Variants in DCAF6 observed in about 807,000 individuals in gnomAD.
The protein encoded by DCAF6 is DDB1 and CUL4 associated factor 6.
DCAF6 carries 54 observed loss-of-function variants against 125.1 expected under a neutral mutation model. The ratio of observed to expected loss-of-function variants is 0.43; its 90% confidence interval spans 0.35 to 0.54. The LOEUF is 0.54. Among genes scored for constraint, DCAF6 ranks in the 20% least tolerant of loss-of-function variants. The probability of loss-of-function intolerance (pLI) is 0.01; values close to 1 mark genes in which losing one functional copy is unlikely to be tolerated. For missense variants in DCAF6, 934 were observed against 1,161.7 expected, an observed-to-expected ratio of 0.80 and a Z score of 2.85; for synonymous variants, 371 against 390.4, an observed-to-expected ratio of 0.95 and a Z score of 0.58.
intron 10 of DCAF6, among the ~76,000 whole-genome samples, chr1:168,007,844 A>G (rs776146136): frequency 6.6e-6 from 1 of 151,836 alleles, no homozygotes; most frequent in African/African-American, 2.4e-5. Flanking sequence ...TATCTCCTGT[A>G]AATTCATGAC....
the DCAF6 span, chr1:167,875,046 A>T: frequency 9.1e-7 from 1 of 1,098,102 alleles, no homozygotes; most frequent in Non-Finnish European, 1.4e-6. Context: ...TAATTCATTA[A>T]GCTGCACAGT....
intron 2 of DCAF6, among the ~76,000 whole-genome samples, chr1:167,953,942 C>T (rs1019991622): frequency 2.6e-5 from 4 of 151,972 alleles, no homozygotes; most frequent in Admixed American, 2.0e-4. Context: ...TCTCTGCTTT[C>T]GTACTTCATT....
At chr1:167,883,785 T>C in the DCAF6 span, among the ~76,000 whole-genome samples, 2 of 151,754 alleles carry the variant, frequency 1.3e-5, no homozygotes, top group South Asian at 2.1e-4. Context: ...GTGGAGCAGA[T>C]GGAAATATAA....
At position 168,063,636 on chromosome 1, in the gene DCAF6, C is replaced by T; in HGVS notation, c.2316C>T (p.Ala772=). ...ATTCATATAGACGCTCTGCTGTTGC[C>T]CGTATTCAGGAGTTCTTCAGACGGA... The part of the protein sequence containing the change: ...GDRIMRRSAV[A]RIQEFFRRRK... The change falls in exon 18 of 22, where the codon GCC becomes GCT. Residue 772 remains alanine (A), a synonymous_variant. Transcript: ENST00000367840. The T allele has an allele frequency of 1.9e-6, 3 of 1,581,806 alleles. No homozygotes were observed. The highest frequency in any genetic ancestry group is 1.8e-5 in the Admixed American group (1 of 54,718).
chr1:167,870,974 C>G, the DCAF6 span, among the ~76,000 whole-genome samples: 2 of 152,176 alleles, frequency 1.3e-5, no homozygotes, highest in African/African-American at 4.8e-5. Flanking sequence ...TCTTATAATC[C>G]TCATTATAAT....
chr1:167,966,993 A>G (rs529173628), intron 3 of DCAF6, among the ~76,000 whole-genome samples: 5 of 152,286 alleles, frequency 3.3e-5, no homozygotes, highest in Middle Eastern at 3.4e-3. Context: ...CATTATTTCA[A>G]TAACATTTTT....
At chr1:167,987,176 A>G (rs1373412017) in intron 4 of DCAF6, among the ~76,000 whole-genome samples, 5 of 152,182 alleles carry the variant, frequency 3.3e-5, no homozygotes, top group Non-Finnish European at 5.9e-5. Context: ...TAAGCTTTGA[A>G]TAGTTTGAAC....
chr1:168,013,744 G>GATTATT (rs1194621545), intron 10 of DCAF6, among the ~76,000 whole-genome samples: 1 of 151,712 alleles, frequency 6.6e-6, no homozygotes, highest in Non-Finnish European at 1.5e-5. Flanking sequence ...AACTTCTCTT[G>GATTATT]ATTATTATTA....
At chr1:168,062,670 AAATAT>A (rs903018945) in intron 17 of DCAF6, among the ~76,000 whole-genome samples, 1 of 151,858 alleles carries the variant, frequency 6.6e-6, no homozygotes, top group Non-Finnish European at 1.5e-5. Context: ...TTATATGTCA[AAATAT>A]AATATTTTAA....
At chr1:167,999,013 A>AGG (rs1682195501) in intron 7 of DCAF6, among the ~76,000 whole-genome samples, 1 of 152,120 alleles carries the variant, frequency 6.6e-6, no homozygotes, top group Non-Finnish European at 1.5e-5. Flanking sequence ...GATCCATGAG[A>AGG]GGAATCACTA....
Position 167,983,185 on chromosome 1 carries a change from T to C in DCAF6, c.439-4310T>C, listed in dbSNP as rs183023801. On this transcript the variant is annotated intron_variant, in intron 4 of 21. Coordinates refer to ENST00000367840, the MANE Select transcript of DCAF6 (RefSeq NM_001198956.2). ...CCATGTGAATTTTAGAATAGTTTTT[T>C]CTAATTCTGTGAAAAATGATGTTGG... Among the ~76,000 whole-genome samples, 1,076 of 152,350 alleles carry C rather than the reference T, an allele frequency of 7.1e-3. 13 individuals carry two copies. The highest frequency in any genetic ancestry group is 0.024 in the African/African-American group (1,007 of 41,572).
chr1:167,988,751 A>G (rs958349120), intron 5 of DCAF6, among the ~76,000 whole-genome samples: 5 of 152,198 alleles, frequency 3.3e-5, no homozygotes, highest in East Asian at 1.9e-4. Context: ...ATTATTTTAT[A>G]TATTTGAAAC....
Position 168,045,049 on chromosome 1 carries a change from G to C in DCAF6, c.2080G>C (p.Glu694Gln), listed in dbSNP as rs147907503. 401 of 1,614,036 alleles carry C rather than the reference G, an allele frequency of 2.5e-4. 3 individuals carry two copies. Among genetic ancestry groups the C allele is most frequent in the South Asian group, 2.1e-3 (188 of 91,080 alleles). The change falls in exon 16 of 22, where the codon GAG becomes CAG. Residue 694 changes from glutamate to glutamine, a missense_variant. Around this residue, in one of 5 missense-constraint regions of DCAF6, gnomAD observed 559 missense variants for 635.5 expected, o/e 0.88. Coordinates refer to ENST00000367840, the MANE Select transcript of DCAF6 (RefSeq NM_001198956.2). ...AGAAACTTCAGATCAGACTAGCACT[G>C]AGAGTGCTACCAATGAAAATAACAC... The part of the protein sequence containing the change: ...EPETSDQTST[E>Q]SATNENNTNP...
At chr1:167,889,619 C>G in the DCAF6 span, among the ~76,000 whole-genome samples, 6 of 152,134 alleles carry the variant, frequency 3.9e-5, no homozygotes, top group Admixed American at 2.6e-4. Context: ...CCCTCCTCTT[C>G]TATGTTTCAG....
the DCAF6 span, among the ~76,000 whole-genome samples, chr1:167,869,020 T>C: frequency 6.6e-6 from 1 of 152,208 alleles, no homozygotes; most frequent in Non-Finnish European, 1.5e-5. Flanking sequence ...TATAAAAATT[T>C]AACCTTACTA....
chr1:168,052,855 C>T (rs1690123254), intron 17 of DCAF6, among the ~76,000 whole-genome samples: 1 of 152,118 alleles, frequency 6.6e-6, no homozygotes, highest in African/African-American at 2.4e-5. Context: ...TCCTTCTACT[C>T]CTGCTTTCAG....
chr1:167,913,157 C>A, the DCAF6 span, among the ~76,000 whole-genome samples: 1 of 152,042 alleles, frequency 6.6e-6, no homozygotes, highest in African/African-American at 2.4e-5. Flanking sequence ...CGCGGAAGCA[C>A]CTTGGAATGA....
At chr1:168,050,008 G>A (rs1291234593) in intron 16 of DCAF6, among the ~76,000 whole-genome samples, 1 of 147,524 alleles carries the variant, frequency 6.8e-6, no homozygotes, top group Non-Finnish European at 1.5e-5. Flanking sequence ...GTGATTTGAC[G>A]GCCTGATTGG....
At chr1:168,030,050 A>T (rs1312104746) in intron 12 of DCAF6, among the ~76,000 whole-genome samples, 1 of 152,188 alleles carries the variant, frequency 6.6e-6, no homozygotes, top group Non-Finnish European at 1.5e-5. Context: ...ACGTGTCTCA[A>T]ACCCAAGAGG....
Sources: gnomAD v4.1 joint callset for allele counts (sites outside exome capture counted in the v4.1 genomes callset) on GRCh38, gnomAD v4.1.1 for gene constraint, gnomAD v4.1.1 regional missense constraint, MANE v1.5 for transcripts, NCBI Gene and HGNC (gene_info 2026-07-23, HGNC 2026-07-21) for gene names.